CDC14B: variants seen among roughly 807,000 people sequenced by gnomAD.
CDC14B encodes cell division cycle 14B, also known as dual specificity protein phosphatase CDC14B.
Under a neutral mutation model 64.2 loss-of-function variants are expected in CDC14B, and 22 were observed. That is an observed-to-expected ratio of 0.34 (90% CI 0.24 to 0.49). CDC14B has a LOEUF of 0.49. Among genes scored for constraint, CDC14B ranks in the 20% least tolerant of loss-of-function variants. CDC14B has a pLI of 0.99. For missense variants in CDC14B, 498 were observed against 629.9 expected, an observed-to-expected ratio of 0.79 and a Z score of 2.24; for synonymous variants, 191 against 215.8, an observed-to-expected ratio of 0.89 and a Z score of 1.01.
chr9:96,604,342 TTTATTA>T (rs148185898), intron 1 of CDC14B, among the ~76,000 whole-genome samples: 18,277 of 131,630 alleles, frequency 0.14, 1,260 homozygotes, highest in East Asian at 0.21. Context: ...GAAGCTTGCA[TTTATTA>T]TTATTATTAT....
At chr9:96,497,596 C>T (rs1234011276), downstream of CDC14B, among the ~76,000 whole-genome samples, 1 of 152,244 alleles carries the variant, frequency 6.6e-6, no homozygotes, top group African/African-American at 2.4e-5. Flanking sequence ...AGCAGCTCAC[C>T]AGCGTCACAA....
At chr9:96,583,627 C>A (rs946039807) in intron 1 of CDC14B, among the ~76,000 whole-genome samples, 4 of 151,958 alleles carry the variant, frequency 2.6e-5, no homozygotes, top group African/African-American at 9.7e-5. Context: ...AAATCCCGAC[C>A]TCAAGTGATC....
At chr9:96,505,617 C>T (rs1309365062) in intron 13 of CDC14B, among the ~76,000 whole-genome samples, 1 of 150,892 alleles carries the variant, frequency 6.6e-6, no homozygotes, top group Non-Finnish European at 1.5e-5. Context: ...CAATTATTCA[C>T]TGGATTTATT....
intron 1 of CDC14B, among the ~76,000 whole-genome samples, chr9:96,606,570 T>G (rs1846952731): frequency 6.7e-6 from 1 of 148,172 alleles, no homozygotes; most frequent in Admixed American, 6.7e-5. Flanking sequence ...TGTGTGTGTG[T>G]GTGTGTGTTT....
intron 5 of CDC14B, among the ~76,000 whole-genome samples, chr9:96,543,282 G>A (rs747167361): frequency 2.6e-5 from 4 of 151,346 alleles, no homozygotes; most frequent in Admixed American, 6.6e-5. Context: ...TGCAGTGAGC[G>A]GAGCTTGCGC....
At chr9:96,494,764 C>CGTCCCCT (rs1250953668) in intron 13 of CDC14B, among the ~76,000 whole-genome samples, 8 of 122,748 alleles carry the variant, frequency 6.5e-5, no homozygotes, top group African/African-American at 2.5e-4. Context: ...CCTCCCCTCC[C>CGTCCCCT]GTCCCCTCCC....
Position 96,601,368 on chromosome 9 carries a change from G to T in CDC14B, c.160+17851C>A, listed in dbSNP as rs540389776. 1.5e-4 allele frequency among the ~76,000 whole-genome samples: 23 copies of T among 152,160 alleles called. No individual in the cohort carries two copies. The South Asian group carries it at 4.2e-3, about 27-fold the overall frequency. On this transcript the variant is annotated intron_variant, in intron 1 of 13. Coordinates refer to ENST00000375241, the MANE Select transcript of CDC14B (RefSeq NM_033331.4). ...AAAAATTAGTTGGGCATGGTGGTGT[G>T]CGCCTGTAGTCCCAGCTACTTGGGA...
intron 1 of CDC14B, among the ~76,000 whole-genome samples, chr9:96,575,047 A>C (rs531652582): frequency 5.3e-5 from 8 of 152,334 alleles, no homozygotes; most frequent in African/African-American, 1.9e-4. Context: ...CTGTGACAAC[A>C]AATAACCCTG....
At chr9:96,596,659 G>C (rs947289537) in intron 1 of CDC14B, among the ~76,000 whole-genome samples, 1 of 152,020 alleles carries the variant, frequency 6.6e-6, no homozygotes, top group Non-Finnish European at 1.5e-5. Context: ...CCGGAAGTTG[G>C]AGACCAGCCT....
chr9:96,521,723 A>T (rs781212986), intron 12 of CDC14B, among the ~76,000 whole-genome samples: 1 of 152,186 alleles, frequency 6.6e-6, no homozygotes, highest in Admixed American at 6.5e-5. Context: ...TGAATAAATG[A>T]TCTATGTCCA....
chr9:96,506,963 G>A (rs559876650), intron 13 of CDC14B, among the ~76,000 whole-genome samples: 3 of 152,230 alleles, frequency 2.0e-5, no homozygotes, highest in Non-Finnish European at 4.4e-5. Context: ...AAAGCAAACA[G>A]CAGAATTAAA....
At chr9:96,565,819 A>C (rs1448803725) in intron 1 of CDC14B, among the ~76,000 whole-genome samples, 1 of 152,250 alleles carries the variant, frequency 6.6e-6, no homozygotes, top group East Asian at 1.9e-4. Context: ...TGTGATGGCT[A>C]GCATCAACCT....
rs1359813837 is a variant in CDC14B, at chr9:96,502,622, C to A, written c.*1131G>T. The stretch of plus-strand genomic sequence containing the variant: ...TTTTTTTTTTTTTTTAGCAGCACAT[C>A]AATTCTGTTTCTGTAACTGCTTCAT... On this transcript the variant is annotated 3_prime_UTR_variant, in exon 14 of 14. Transcript: ENST00000375241. 10 of 321,206 alleles carry A rather than the reference C, an allele frequency of 3.1e-5. No individual in the cohort carries two copies. Among genetic ancestry groups the A allele is most frequent in the Non-Finnish European group, 3.9e-5 (7 of 181,116 alleles). 19.9% of individuals were successfully genotyped at this position (321,206 alleles called of 1,614,324 possible). A position where few individuals can be genotyped will look rare whatever the true frequency, so the allele number is the denominator to read the frequency against.
At chr9:96,504,532 C>G (rs1159023121) in intron 13 of CDC14B, among the ~76,000 whole-genome samples, 1 of 152,214 alleles carries the variant, frequency 6.6e-6, no homozygotes, top group Non-Finnish European at 1.5e-5. Context: ...CCCAACAGAG[C>G]ACTGAGTCAA....
At position 96,588,445 on chromosome 9, in the gene CDC14B, G is replaced by C. The variant is rs16911370; in HGVS notation, c.161-22962C>G. Among the ~76,000 whole-genome samples the C allele has an allele frequency of 5.6e-3, 858 of 152,328 alleles. 7 individuals carry two copies. The highest frequency in any genetic ancestry group is 0.014 in the Middle Eastern group (4 of 294). ...TTTCCCAAATTGACATTAAAATTTT[G>C]AGTTAGTTTTATCCAGAATAGGAAG... On this transcript the variant is annotated intron_variant, in intron 1 of 13. Coordinates refer to ENST00000375241, the MANE Select transcript of CDC14B (RefSeq NM_033331.4).
In CDC14B at chr9:96,539,158, G is replaced by A. The variant is rs758836747; in HGVS notation, c.565-18C>T. ...TGCATTGCCTAAAATCCAAAAGAAAGCTTTTAAGAACAAGGATGCAAATAA... is the reference window on the plus strand; with the variant it reads ...TGCATTGCCTAAAATCCAAAAGAAAACTTTTAAGAACAAGGATGCAAATAA... On this transcript the variant is annotated intron_variant, in intron 6 of 13. Coordinates refer to ENST00000375241, the MANE Select transcript of CDC14B (RefSeq NM_033331.4). 3.2e-6 allele frequency: 5 copies of A among 1,561,572 alleles called. No individual in the cohort carries two copies. The highest frequency in any genetic ancestry group is 4.4e-6 in the Non-Finnish European group (5 of 1,135,262).
intron 4 of CDC14B, among the ~76,000 whole-genome samples, chr9:96,556,092 A>T (rs1842467014): frequency 6.6e-6 from 1 of 152,210 alleles, no homozygotes. Context: ...TATGCACAGG[A>T]TTCTGAAGCT....
At chr9:96,545,222 C>T (rs1180431651) in intron 5 of CDC14B, among the ~76,000 whole-genome samples, 1 of 152,076 alleles carries the variant, frequency 6.6e-6, no homozygotes, top group Non-Finnish European at 1.5e-5. Context: ...AAATGAAGTA[C>T]TTTAGCCTAA....
intron 1 of CDC14B, among the ~76,000 whole-genome samples, chr9:96,593,263 C>T (rs929658651): frequency 7.2e-5 from 11 of 152,082 alleles, no homozygotes; most frequent in East Asian, 5.8e-4. Context: ...CCAAGGCAGG[C>T]GGATCACGAG....
Sources: allele counts gnomAD v4.1 joint callset (sites outside exome capture counted in the v4.1 genomes callset), GRCh38; gene constraint gnomAD v4.1.1; transcripts MANE v1.5; gene names NCBI Gene and HGNC (gene_info 2026-07-23, HGNC 2026-07-21).